Variants in ZSCAN18 observed in about 807,000 individuals in gnomAD.
The protein encoded by ZSCAN18 is zinc finger and SCAN domain-containing protein 18.
Under a neutral mutation model 31.1 loss-of-function variants are expected in ZSCAN18, and 16 were observed. The ratio of observed to expected loss-of-function variants is 0.51; its 90% CI spans 0.35 to 0.78. The LOEUF is 0.78. Ranked by LOEUF, ZSCAN18 falls within the 30% of genes least tolerant of loss-of-function variation. ZSCAN18 has a pLI of 0.01. For synonymous variants in ZSCAN18, 375 were observed against 320.7 expected (o/e 1.17, Z -1.81); for missense variants, 731 against 697.4 (o/e 1.05, Z -0.54).
At position 58,086,162 on chromosome 19, in the gene ZSCAN18, A is replaced by C. The variant is rs1340989422; in HGVS notation, c.838+12T>G. 2 of 1,613,698 alleles carry C rather than the reference A, an allele frequency of 1.2e-6. No homozygotes were observed. Among genetic ancestry groups the C allele is most frequent in the Non-Finnish European group, 1.7e-6 (2 of 1,179,698 alleles). ...CCCACCCGGCCCTAACACCAATTCAACCCAACCTCACCTGGGAGGCTGCTT... is the reference window on the plus strand; with the variant it reads ...CCCACCCGGCCCTAACACCAATTCACCCCAACCTCACCTGGGAGGCTGCTT... On this transcript the variant is annotated intron_variant, in intron 6 of 6. Coordinates refer to ENST00000601144, the MANE Select transcript of ZSCAN18 (RefSeq NM_001145543.2).
chr19:58,103,920 G>A (rs1035913478), intron 1 of ZSCAN18, among the ~76,000 whole-genome samples: 5 of 152,206 alleles, frequency 3.3e-5, no homozygotes, highest in African/African-American at 4.8e-5. Context: ...ACAAGAAACT[G>A]AAACAGCCTT....
chr19:58,116,365 T>A (rs927550729), intron 1 of ZSCAN18, among the ~76,000 whole-genome samples: 1 of 151,494 alleles, frequency 6.6e-6, no homozygotes, highest in Admixed American at 6.6e-5. Context: ...ACACGTACTG[T>A]ATGCCAGGAC....
chr19:58,098,473 C>G (rs1202958994), upstream of ZSCAN18: 29 of 713,642 alleles, frequency 4.1e-5, no homozygotes, highest in Non-Finnish European at 4.8e-5. Flanking sequence ...GCCAGAGACC[C>G]GGAGAAACAA....
chr19:58,108,880 G>C (rs2074656782), intron 1 of ZSCAN18: 1 of 1,008,880 alleles, frequency 9.9e-7, no homozygotes. Flanking sequence ...AAGGTGGCTA[G>C]GTTGTCCACC....
At chr19:58,108,771 C>T (rs1432457232) in intron 1 of ZSCAN18, 4 of 985,778 alleles carry the variant, frequency 4.1e-6, no homozygotes, top group African/African-American at 1.7e-5. Flanking sequence ...GTTCCTTTCT[C>T]TGGCAATTAC....
At chr19:58,092,601 A>G in intron 1 of ZSCAN18, 1 of 543,858 alleles carries the variant, frequency 1.8e-6, no homozygotes, top group Non-Finnish European at 2.3e-6. Flanking sequence ...AAAAAGAACC[A>G]GAAGTTTGCA....
In ZSCAN18 at chr19:58,090,434, C is replaced by G. The variant is rs925175357; in HGVS notation, c.-119-48G>C. The stretch of plus-strand genomic sequence containing the variant: ...AATGGCCTTGCATAAGGCCAGGGCG[C>G]AGCCACCCCAGCTGCCAGAGAACAA... On this transcript the variant is annotated intron_variant, in intron 1 of 6. Transcript: ENST00000601144. This position sits in a 1 kb window ranked among gnomAD's most constrained non-coding sequence, Gnocchi z 4.7. The G allele has an allele frequency of 6.9e-7, 1 of 1,440,586 alleles. No homozygotes were observed. Among genetic ancestry groups the G allele is most frequent in the Non-Finnish European group, 9.2e-7 (1 of 1,088,510 alleles). The allele number at this position is 1,440,586 out of a possible 1,614,324, so 89.2% of individuals were successfully genotyped here. A position where few individuals can be genotyped will look rare whatever the true frequency, so the allele number is the denominator to read the frequency against.
At chr19:58,085,599 A>C in intron 6 of ZSCAN18, 133 of 515,352 alleles carry the variant, frequency 2.6e-4, no homozygotes, top group Middle Eastern at 5.0e-4. Flanking sequence ...GCCTCCAACA[A>C]CGGAGGCCAC....
intron 1 of ZSCAN18, among the ~76,000 whole-genome samples, chr19:58,105,049 A>C (rs568397701): frequency 6.6e-6 from 1 of 152,334 alleles, no homozygotes; most frequent in Non-Finnish European, 1.5e-5. Flanking sequence ...CTTTAAGTTG[A>C]AACCAAAGCT....
At chr19:58,098,259 G>C (rs550883277), upstream of ZSCAN18, 345 of 985,518 alleles carry the variant, frequency 3.5e-4, no homozygotes, top group Middle Eastern at 1.0e-3. Flanking sequence ...TGCGCACTGG[G>C]CCTCACCGCG....
intron 1 of ZSCAN18, among the ~76,000 whole-genome samples, chr19:58,094,524 T>C (rs2074483301): frequency 6.6e-6 from 1 of 152,066 alleles, no homozygotes; most frequent in African/African-American, 2.4e-5. Flanking sequence ...TCGTGGCAAG[T>C]AAGCAACCAG....
chr19:58,086,853 C>T, intron 5 of ZSCAN18, 53 bp downstream of exon 5: 1 of 1,429,192 alleles, frequency 7.0e-7, no homozygotes, highest in South Asian at 1.2e-5. Flanking sequence ...TGCACCAACC[C>T]CTGCGGAAGG....
chr19:58,086,976 G>C lies in ZSCAN18; in HGVS notation c.675C>G (p.His225Gln). 3 of 1,613,842 alleles carry C rather than the reference G, an allele frequency of 1.9e-6. No individual in the cohort carries two copies. The highest frequency in any genetic ancestry group is 1.7e-6 in the Non-Finnish European group (2 of 1,179,922). The change falls in exon 5 of 7, where the codon CAC (histidine) becomes CAG (glutamine). Residue 225 changes from histidine (H) to glutamine (Q), a missense_variant. Around this residue, in one of 4 missense-constraint regions of ZSCAN18, gnomAD observed 597 missense variants for 499.5 expected, o/e 1.20. Coordinates refer to ENST00000601144, the MANE Select transcript of ZSCAN18 (RefSeq NM_001145543.2). ...GGTCCAGGTGGCCCCACTCCCCCAG[G>C]TGCTGAGGGTCCTCTGGAAAGGACT... ...KLKSFPEDPQHLGEWGHLDPA... is the reference protein window; with the variant it reads ...KLKSFPEDPQQLGEWGHLDPA...
chr19:58,089,727 C>A, intron 2 of ZSCAN18, 138 bp downstream of exon 2: 1 of 1,059,130 alleles, frequency 9.4e-7, no homozygotes, highest in South Asian at 1.7e-5. Context: ...AGGCATCTGT[C>A]CTGGCCCGAG....
chr19:58,098,789 G>T (rs55876506), upstream of ZSCAN18, among the ~76,000 whole-genome samples: 2,998 of 152,336 alleles, frequency 0.02, 119 homozygotes, highest in African/African-American at 0.067. Flanking sequence ...TCTGGACAGA[G>T]ATACAGAGAC....
chr19:58,085,324 C>A lies in ZSCAN18; in HGVS notation c.894G>T (p.Ala298=). ...CCGTAGGCAGCTCAGGCAGCACCCC[C>A]GCGGGGGCGGCCTCCTCGCAGGCGC... ...AGCACEEAAP[A]GVLPELPTEA... The change falls in exon 7 of 7, where the codon GCG becomes GCT. Residue 298 remains alanine (A), a synonymous_variant. Transcript: ENST00000601144. 6.3e-7 allele frequency: 1 copy of A among 1,595,664 alleles called. No individual in the cohort carries two copies. Among genetic ancestry groups the A allele is most frequent in the South Asian group, 1.1e-5 (1 of 90,712 alleles).
intron 1 of ZSCAN18, among the ~76,000 whole-genome samples, chr19:58,117,322 C>T (rs2074738359): frequency 6.6e-6 from 1 of 152,046 alleles, no homozygotes; most frequent in African/African-American, 2.4e-5. Context: ...TGGGGGTCAG[C>T]ATTCGGGCAT....
At position 58,090,474 on chromosome 19, in the gene ZSCAN18, G is replaced by C; in HGVS notation, c.-119-88C>G. On this transcript the variant is annotated intron_variant, in intron 1 of 6. Transcript: ENST00000601144. This position sits in a 1 kb window ranked among gnomAD's most constrained non-coding sequence, Gnocchi z 4.7. ...CCAGAGAACAAAGACACCACACCCA[G>C]AGTTCACACAGATTTCCAAGAAACC... 8.0e-7 allele frequency: 1 copy of C among 1,251,734 alleles called. No homozygotes were observed. The highest frequency in any genetic ancestry group is 1.6e-5 in the South Asian group (1 of 61,216). The allele number at this position is 1,251,734 out of a possible 1,614,324, so 77.5% of individuals were successfully genotyped here.
At chr19:58,115,550 T>G (rs2074722871) in intron 1 of ZSCAN18, among the ~76,000 whole-genome samples, 1 of 152,226 alleles carries the variant, frequency 6.6e-6, no homozygotes, top group Non-Finnish European at 1.5e-5. Flanking sequence ...GGTCCTTTTT[T>G]GTTTTTCCTA....
Sources: gnomAD v4.1 joint callset for allele counts (sites outside exome capture counted in the v4.1 genomes callset) on GRCh38, gnomAD v4.1.1 for gene constraint, gnomAD v4.1.1 regional missense constraint, Gnocchi (gnomAD v3.1) non-coding constraint, MANE v1.5 for transcripts, NCBI Gene and HGNC (gene_info 2026-07-23, HGNC 2026-07-21) for gene names.